The following CLDN14 variants were observed in gnomAD, a reference collection of about 807,000 sequenced individuals.
CLDN14 encodes the protein claudin 14.
CLDN14 carries 2 observed loss-of-function variants against 2.1 expected under a neutral mutation model. That is an observed-to-expected ratio of 0.96 (90% CI 0.39 to 3.01). The LOEUF (loss-of-function observed/expected upper bound fraction) is 3.01, where lower values mean the gene tolerates loss of function less well. Ranked by LOEUF, CLDN14 falls within the 30% of genes most tolerant of loss-of-function variation. The pLI is 0.09. For missense variants in CLDN14, 298 were observed against 328.0 expected (o/e 0.91, Z 0.71); for synonymous variants, 136 against 154.4 (o/e 0.88, Z 0.88).
intron 1 of CLDN14, among the ~76,000 whole-genome samples, chr21:36,572,425 C>T (rs113330161): frequency 0.011 from 1,749 of 152,094 alleles, 16 homozygotes; most frequent in Non-Finnish European, 0.018. Flanking sequence ...TTTCTCCAGC[C>T]ACCAACCTCT....
At chr21:36,466,716 T>A (rs2086650444) in intron 1 of CLDN14, among the ~76,000 whole-genome samples, 1 of 152,170 alleles carries the variant, frequency 6.6e-6, no homozygotes, top group Admixed American at 6.5e-5. Flanking sequence ...AACACAATCA[T>A]GTCCTTCCAA....
At chr21:36,563,915 A>G (rs394087) in intron 1 of CLDN14, among the ~76,000 whole-genome samples, 113,390 of 152,148 alleles carry the variant, frequency 0.75, 43,868 homozygotes, top group Non-Finnish European at 0.87. Context: ...TGTTATCAAA[A>G]AGACAGACGT....
At chr21:36,475,460 C>T (rs555724038) in intron 1 of CLDN14, among the ~76,000 whole-genome samples, 7 of 152,344 alleles carry the variant, frequency 4.6e-5, no homozygotes, top group South Asian at 4.1e-4. Context: ...GATTCTGATT[C>T]GCTGACTGGG....
intron 1 of CLDN14, among the ~76,000 whole-genome samples, chr21:36,560,218 G>A (rs1039448584): frequency 1.0e-5 from 1 of 97,226 alleles, no homozygotes; most frequent in African/African-American, 2.9e-5. Context: ...CTAGTTTGTT[G>A]AGAGGTTTTT....
chr21:36,461,063 G>A lies in CLDN14; in HGVS notation c.633C>T (p.Tyr211=), dbSNP rs61745291. Residue 211 remains tyrosine, a synonymous_variant, in exon 2 of 2, where the codon TAC becomes TAT. Coordinates refer to ENST00000399135, the MANE Select transcript of CLDN14 (RefSeq NM_001146079.2). ...TGTCTTTGTAGGCAGCTGGTGGCTGGTAGGCAGGTGCGGTGTTTGCAGTGG... is the reference window on the plus strand; with the variant it reads ...TGTCTTTGTAGGCAGCTGGTGGCTGATAGGCAGGTGCGGTGTTTGCAGTGG... ...TTTTANTAPA[Y]QPPAAYKDNR... 5,920 of 1,614,066 alleles carry A rather than the reference G, an allele frequency of 3.7e-3. 206 individuals are homozygous for A. The African/African-American group carries it at 0.066, about 18-fold the overall frequency.
At chr21:36,546,790 G>A (rs554617416) in intron 1 of CLDN14, among the ~76,000 whole-genome samples, 5 of 152,190 alleles carry the variant, frequency 3.3e-5, no homozygotes, top group South Asian at 4.2e-4. Context: ...TGGAATCTTC[G>A]TAAGTCTCCC....
In CLDN14 at chr21:36,499,274, C is replaced by T. The variant is rs866974158; in HGVS notation, c.-82+11089G>A. 7.9e-5 allele frequency among the ~76,000 whole-genome samples: 12 copies of T among 152,232 alleles called. No individual in the cohort carries two copies. The highest frequency in any genetic ancestry group is 7.2e-4 in the Admixed American group (11 of 15,296). ...CCAAGGTTTTTGTTTGTTTGTTTGT[C>T]GGTCTTACTCTGTCGCCCAGGCTGG... is the stretch of plus-strand genomic sequence containing the variant. On this transcript the variant is annotated intron_variant, in intron 2 of 2. Transcript: ENST00000342108. This position sits in a 1 kb window ranked among gnomAD's most constrained non-coding sequence, Gnocchi z 4.7.
At position 36,539,048 on chromosome 21, in the gene CLDN14, C is replaced by A. The variant is rs567213571; in HGVS notation, c.-219-28548G>T. Among the ~76,000 whole-genome samples the A allele has an allele frequency of 3.3e-5, 5 of 152,340 alleles. No individual in the cohort carries two copies. The South Asian group carries it at 1.0e-3, about 32-fold the overall frequency. ...TGTGGATTCAGAGCTGGACAGCATC[C>A]GCTGACCCCACTCCAGAATGATGGC... On this transcript the variant is annotated intron_variant, in intron 1 of 2. Transcript: ENST00000342108.
At chr21:36,534,216 C>G (rs1409582553) in intron 1 of CLDN14, among the ~76,000 whole-genome samples, 3 of 152,166 alleles carry the variant, frequency 2.0e-5, no homozygotes, top group Non-Finnish European at 2.9e-5. Context: ...ATTCTCCTGC[C>G]TCAGCCTCCC....
chr21:36,504,668 C>T (rs1601615213), intron 2 of CLDN14, among the ~76,000 whole-genome samples: 1 of 152,166 alleles, frequency 6.6e-6, no homozygotes, highest in African/African-American at 2.4e-5. Context: ...ACAATTGCTT[C>T]CCTTTTATCC....
At chr21:36,462,373 G>C (rs909906214) in intron 1 of CLDN14, among the ~76,000 whole-genome samples, 1 of 152,090 alleles carries the variant, frequency 6.6e-6, no homozygotes, top group Non-Finnish European at 1.5e-5. Flanking sequence ...CTCCTCAGGA[G>C]CTGCGGCAGG....
intron 1 of CLDN14, among the ~76,000 whole-genome samples, chr21:36,539,484 ATG>A (rs374017154): frequency 0.028 from 1,788 of 63,032 alleles, 34 homozygotes; most frequent in African/African-American, 0.092. Context: ...TGTGTGGGGA[ATG>A]TGTGTGTGTG....
chr21:36,463,046 GA>G (rs1568840874), intron 1 of CLDN14, among the ~76,000 whole-genome samples: 1 of 151,876 alleles, frequency 6.6e-6, no homozygotes, highest in South Asian at 2.1e-4. Context: ...AGAAAGGAAG[GA>G]AAAAAAGGAA....
Position 36,461,666 on chromosome 21 carries a change from G to A in CLDN14, c.30C>T (p.Gly10=). 1 of 1,560,620 alleles carries A rather than the reference G, an allele frequency of 6.4e-7. No individual in the cohort carries two copies. The highest frequency in any genetic ancestry group is 8.7e-7 in the Non-Finnish European group (1 of 1,152,972). The change falls in exon 2 of 2, where the codon GGC becomes GGT. Residue 10 remains glycine (G), a synonymous_variant. Coordinates refer to ENST00000399135, the MANE Select transcript of CLDN14 (RefSeq NM_001146079.2). ...CCATGCCCAGGAAGCTGAGCAGGAA[G>A]CCCAGAAGCTGCACGGCCGTGCTGG... MASTAVQLL[G]FLLSFLGMVG... is the part of the protein sequence containing the mutation.
At position 36,470,936 on chromosome 21, in the gene CLDN14, A is replaced by G. The variant is rs1315568400; in HGVS notation, c.-82+8559T>C. 2.0e-5 allele frequency among the ~76,000 whole-genome samples: 3 copies of G among 152,266 alleles called. No individual in the cohort carries two copies. The East Asian group carries it at 5.8e-4, about 29-fold the overall frequency. On this transcript the variant is annotated intron_variant, in intron 1 of 1. Coordinates refer to ENST00000399135, the MANE Select transcript of CLDN14 (RefSeq NM_001146079.2). Reference sequence around the variant, plus strand: ...GATTGCAATAAGCAGAGATTGTGCCACTGCACTCCAGCCTGAGTGAGAGAG... The same window carrying G: ...GATTGCAATAAGCAGAGATTGTGCCGCTGCACTCCAGCCTGAGTGAGAGAG...
chr21:36,461,752 C>T lies in CLDN14; in HGVS notation c.-57G>A, dbSNP rs188479887. The T allele has an allele frequency of 1.2e-4, 183 of 1,536,622 alleles. No individual in the cohort carries two copies. The East Asian group carries it at 3.2e-3, about 27-fold the overall frequency. On this transcript the variant is annotated 5_prime_UTR_variant, in exon 2 of 2. Coordinates refer to ENST00000399135, the MANE Select transcript of CLDN14 (RefSeq NM_001146079.2). ...GCTCCCTGGGCCCTCGGGGTCACGC[C>T]GCTCCTCAGGTGCCAGCCGGAGCCC...
chr21:36,543,612 G>A (rs1176630970), intron 1 of CLDN14, among the ~76,000 whole-genome samples: 1 of 152,190 alleles, frequency 6.6e-6, no homozygotes, highest in Non-Finnish European at 1.5e-5. Context: ...CATAATCGTT[G>A]TAACTACCTA....
intron 1 of CLDN14, among the ~76,000 whole-genome samples, chr21:36,575,611 TGA>T (rs1456378832): frequency 1.3e-5 from 2 of 152,220 alleles, no homozygotes; most frequent in African/African-American, 2.4e-5. Flanking sequence ...TGTCTGATAA[TGA>T]AGACAGTCTT....
intron 1 of CLDN14, among the ~76,000 whole-genome samples, chr21:36,531,291 G>GT (rs573798801): frequency 0.054 from 7,722 of 144,192 alleles, 604 homozygotes; most frequent in African/African-American, 0.17. Flanking sequence ...TGCTATAAAT[G>GT]TTTTTTTTTT....
Sources: gnomAD v4.1 joint callset for allele counts (sites outside exome capture counted in the v4.1 genomes callset) on GRCh38, gnomAD v4.1.1 for gene constraint, Gnocchi (gnomAD v3.1) non-coding constraint, MANE v1.5 for transcripts, NCBI Gene and HGNC (gene_info 2026-07-23, HGNC 2026-07-21) for gene names.